TRPM3: variants seen among roughly 807,000 people sequenced by gnomAD.
TRPM3 encodes long transient receptor potential channel 3.
TRPM3 carries 77 observed loss-of-function variants against 181.2 expected under a neutral mutation model. That is an observed-to-expected ratio of 0.42 (90% CI 0.35 to 0.51). The LOEUF (loss-of-function observed/expected upper bound fraction) is 0.51. Among genes scored for constraint, TRPM3 ranks in the 20% least tolerant of loss-of-function variants. The pLI, the probability that TRPM3 is intolerant of heterozygous loss-of-function variation, is 0.01. For synonymous variants in TRPM3, 745 were observed against 796.4 expected (o/e 0.94, Z 1.09); for missense variants, 1,759 against 2,196.7 (o/e 0.80, Z 3.98).
At chr9:70,789,742 A>G (rs1274172467) in intron 6 of TRPM3, among the ~76,000 whole-genome samples, 11 of 152,246 alleles carry the variant, frequency 7.2e-5, no homozygotes. Context: ...CTTGAGTAAC[A>G]GATTTAACAG....
At chr9:70,759,836 G>A (rs754464611) in intron 8 of TRPM3, among the ~76,000 whole-genome samples, 5 of 152,076 alleles carry the variant, frequency 3.3e-5, no homozygotes, top group Non-Finnish European at 5.9e-5. Flanking sequence ...CCTCTCAGGG[G>A]GTGGGGGGCT....
intron 1 of TRPM3, among the ~76,000 whole-genome samples, chr9:71,231,049 T>C (rs531060171): frequency 6.6e-6 from 1 of 152,350 alleles, no homozygotes; most frequent in African/African-American, 2.4e-5. Flanking sequence ...TTCCATGGAA[T>C]ATATCAAGCT....
At chr9:70,870,499 A>G (rs2095765202) in intron 1 of TRPM3, among the ~76,000 whole-genome samples, 1 of 152,044 alleles carries the variant, frequency 6.6e-6, no homozygotes, top group African/African-American at 2.4e-5. Context: ...GACATATATA[A>G]ACTTGCTTCT....
intron 1 of TRPM3, among the ~76,000 whole-genome samples, chr9:71,312,697 T>C (rs573091906): frequency 1.3e-5 from 2 of 152,282 alleles, no homozygotes; most frequent in East Asian, 3.9e-4. Context: ...TACATCTAGA[T>C]AATGGAATAT....
intron 1 of TRPM3, among the ~76,000 whole-genome samples, chr9:70,905,850 C>T (rs1430797581): frequency 6.6e-6 from 1 of 151,900 alleles, no homozygotes; most frequent in Non-Finnish European, 1.5e-5. Flanking sequence ...CTCGAGTGAT[C>T]CTCCCACTTC....
At chr9:70,904,867 C>T (rs982273717) in intron 1 of TRPM3, among the ~76,000 whole-genome samples, 1 of 152,188 alleles carries the variant, frequency 6.6e-6, no homozygotes, top group African/African-American at 2.4e-5. Flanking sequence ...AGGAGCTTTT[C>T]TAACAATTTT....
rs1479184919 is a variant in TRPM3 at position 70,532,772 on chromosome 9, G to A, written c.*3181C>T. ...TTGAGCTCTCTATGACTTTATTTACGGTCCTCAGTAACTTGCTGCTCATAA... is the reference window on the plus strand; with the variant it reads ...TTGAGCTCTCTATGACTTTATTTACAGTCCTCAGTAACTTGCTGCTCATAA... On this transcript the variant is annotated 3_prime_UTR_variant, in exon 26 of 26. Coordinates refer to ENST00000677713, the MANE Select transcript of TRPM3 (RefSeq NM_001366145.2). 3 of 152,026 alleles carry A rather than the reference G, an allele frequency of 2.0e-5. No individual in the cohort carries two copies. Among genetic ancestry groups the A allele is most frequent in the African/African-American group, 7.2e-5 (3 of 41,394 alleles). 9.4% of individuals were successfully genotyped at this position (152,026 alleles called of 1,614,324 possible).
At chr9:71,052,501 T>C (rs2133191741) in intron 1 of TRPM3, among the ~76,000 whole-genome samples, 1 of 152,268 alleles carries the variant, frequency 6.6e-6, no homozygotes, top group South Asian at 2.1e-4. Flanking sequence ...GCAAGGGGTG[T>C]GGAACCACAG....
chr9:71,264,856 A>G (rs1444244520), intron 1 of TRPM3, among the ~76,000 whole-genome samples: 3 of 152,134 alleles, frequency 2.0e-5, no homozygotes, highest in East Asian at 1.9e-4. Context: ...TCCATCCTCT[A>G]TGTCCCAAAG....
intron 1 of TRPM3, among the ~76,000 whole-genome samples, chr9:71,313,188 CTGTT>C (rs1037802314): frequency 6.2e-4 from 94 of 152,100 alleles, no homozygotes; most frequent in African/African-American, 2.2e-3. Flanking sequence ...TCTGTATGTT[CTGTT>C]TAATTTTGCA....
intron 1 of TRPM3, among the ~76,000 whole-genome samples, chr9:71,081,954 CTTTTA>C (rs71507022): frequency 0.029 from 4,458 of 152,204 alleles, 117 homozygotes; most frequent in South Asian, 0.1. Flanking sequence ...ACCCACCAAT[CTTTTA>C]TTTTATTTTT....
intron 9 of TRPM3, among the ~76,000 whole-genome samples, chr9:70,667,937 G>A (rs1208195019): frequency 6.6e-6 from 1 of 152,188 alleles, no homozygotes; most frequent in African/African-American, 2.4e-5. Context: ...AGAGAAACCA[G>A]TGTGGTGAGC....
intron 1 of TRPM3, among the ~76,000 whole-genome samples, chr9:71,219,354 AC>A (rs1286843001): frequency 6.6e-6 from 1 of 152,132 alleles, no homozygotes. Flanking sequence ...ATATTCCTGA[AC>A]CTCTTAATGG....
intron 19 of TRPM3, among the ~76,000 whole-genome samples, chr9:70,604,085 C>T (rs2060560290): frequency 6.6e-6 from 1 of 152,212 alleles, no homozygotes; most frequent in Admixed American, 6.5e-5. Context: ...TTCATTGAAA[C>T]AACACAAGAA....
At chr9:70,662,764 G>GA (rs56682564) in intron 9 of TRPM3, among the ~76,000 whole-genome samples, 152,140 of 152,286 alleles carry the variant, frequency 1, 75,997 homozygotes, top group Non-Finnish European at 1. Flanking sequence ...TGGATGTGGT[G>GA]AAAGGAAACA....
At chr9:70,647,137 T>A (rs1366896521) in intron 9 of TRPM3, among the ~76,000 whole-genome samples, 2 of 152,144 alleles carry the variant, frequency 1.3e-5, no homozygotes, top group Admixed American at 1.3e-4. Context: ...GTACCAATCC[T>A]ACTGAAAATA....
intron 1 of TRPM3, among the ~76,000 whole-genome samples, chr9:71,310,202 C>G (rs2087781962): frequency 1.3e-5 from 2 of 151,844 alleles, no homozygotes; most frequent in Non-Finnish European, 2.9e-5. Context: ...AATCATCACA[C>G]AGTAACTGAA....
At chr9:70,999,064 T>C (rs546370885) in intron 1 of TRPM3, among the ~76,000 whole-genome samples, 5 of 152,314 alleles carry the variant, frequency 3.3e-5, no homozygotes, top group Admixed American at 2.0e-4. Context: ...CCTTTCAATT[T>C]TACCTCAAGA....
chr9:71,298,398 A>G (rs556373110), intron 1 of TRPM3, among the ~76,000 whole-genome samples: 1 of 152,258 alleles, frequency 6.6e-6, no homozygotes, highest in African/African-American at 2.4e-5. Context: ...GGTCCTGGGC[A>G]CAGTAAAAGC....
Sources: allele counts gnomAD v4.1 joint callset (sites outside exome capture counted in the v4.1 genomes callset), GRCh38; gene constraint gnomAD v4.1.1; transcripts MANE v1.5; gene names NCBI Gene and HGNC (gene_info 2026-07-23, HGNC 2026-07-21).